CRAT: variants seen among roughly 807,000 people sequenced by gnomAD.
CRAT encodes the protein carnitine O-acetyltransferase.
In CRAT, 66 loss-of-function variants were observed where a neutral mutation model predicts 73.7. The observed-to-expected ratio is 0.90, with a 90% CI of 0.73 to 1.10. The LOEUF is 1.10. Among genes scored for constraint, CRAT ranks in the 50% least tolerant of loss-of-function variants. The probability of loss-of-function intolerance (pLI) is 0.00; values close to 1 mark genes in which losing one functional copy is unlikely to be tolerated. For synonymous variants in CRAT, 321 were observed against 343.2 expected (o/e 0.94, Z 0.71); for missense variants, 745 against 846.9 (o/e 0.88, Z 1.49).
chr9:129,102,336 C>A (rs549265893), intron 5 of CRAT, 64 bp downstream of exon 5: 2 of 1,595,308 alleles, frequency 1.3e-6, no homozygotes, highest in Admixed American at 1.7e-5. Context: ...AAGCCGACTG[C>A]GGCCGTCCGG....
rs766449218 is a variant in CRAT at position 129,098,140 on chromosome 9, C to T, written c.1337G>A (p.Gly446Glu). ...ACTTTCATAGGTGGCACATGCCTGT[C>T]CGTAGATCCTGGTGGGAAATGGGGC... ...ALQLAYYRIY[G>E]QACATYESAS... is the part of the protein sequence containing the mutation. Residue 446 changes from glycine to glutamate, a missense_variant, in exon 11 of 14, where the codon GGA (glycine) becomes GAA (glutamate). Transcript: ENST00000318080. The T allele has an allele frequency of 1.2e-6, 2 of 1,613,832 alleles. No homozygotes were observed. Among genetic ancestry groups the T allele is most frequent in the South Asian group, 1.1e-5 (1 of 91,088 alleles).
chr9:129,108,333 G>T, intron 1 of CRAT: 1 of 1,216,682 alleles, frequency 8.2e-7, no homozygotes, highest in Non-Finnish European at 1.1e-6. Flanking sequence ...AAGTCAGGAT[G>T]AACGGCACCT....
At position 129,095,123 on chromosome 9, in the gene CRAT, C is replaced by T. The variant is rs535290438; in HGVS notation, c.*274G>A. 7.8e-5 allele frequency: 40 copies of T among 510,442 alleles called. No individual in the cohort carries two copies. The highest frequency in any genetic ancestry group is 2.1e-4 in the African/African-American group (11 of 52,200). 31.6% of individuals were successfully genotyped at this position (510,442 alleles called of 1,614,324 possible). ...TGGTTCCCTTCCCCAGAGGAGGCAC[C>T]GGTGGAGGACGTGCCAGGGGCCCGG... On this transcript the variant is annotated 3_prime_UTR_variant, in exon 14 of 14. Coordinates refer to ENST00000318080, the MANE Select transcript of CRAT (RefSeq NM_000755.5).
rs770297679 is a variant in CRAT at position 129,107,706 on chromosome 9, C to A, written c.291+108G>T. On this transcript the variant is annotated intron_variant, in intron 2 of 13. Transcript: ENST00000318080. This position sits in a 1 kb window ranked among gnomAD's most constrained non-coding sequence, Gnocchi z 5.0. ...CCAAGTGCCAGACACAGAGTATGTGCTCACGAAACTCTGGGCAGCAAACGA... is the reference window on the plus strand; with the variant it reads ...CCAAGTGCCAGACACAGAGTATGTGATCACGAAACTCTGGGCAGCAAACGA... 24 of 1,504,406 alleles carry A rather than the reference C, an allele frequency of 1.6e-5. No homozygotes were observed. Among genetic ancestry groups the A allele is most frequent in the Non-Finnish European group, 2.2e-5 (24 of 1,091,700 alleles). The allele number at this position is 1,504,406 out of a possible 1,614,324, so 93.2% of individuals were successfully genotyped here.
intron 13 of CRAT, 145 bp downstream of exon 13, chr9:129,095,853 G>T: frequency 8.3e-7 from 1 of 1,205,796 alleles, no homozygotes; most frequent in Non-Finnish European, 1.2e-6. Flanking sequence ...CAGCCTGCCT[G>T]GGCTGCAGAG....
chr9:129,095,367 G>C lies in CRAT; in HGVS notation c.*30C>G. 1 of 1,602,946 alleles carries C rather than the reference G, an allele frequency of 6.2e-7. No homozygotes were observed. The stretch of plus-strand genomic sequence containing the variant: ...GGCCCATCCCAGGGTGGGCTTGGCT[G>C]TGGCATTGGCAGGCCTGAGTCCTAG... On this transcript the variant is annotated 3_prime_UTR_variant, in exon 14 of 14. Transcript: ENST00000318080.
Position 129,103,124 on chromosome 9 carries a change from C to T in CRAT, c.411-58G>A. 1.4e-6 allele frequency: 2 copies of T among 1,429,206 alleles called. No homozygotes were observed. Among genetic ancestry groups the T allele is most frequent in the Non-Finnish European group, 2.0e-6 (2 of 1,011,914 alleles). The allele number at this position is 1,429,206 out of a possible 1,614,324, so 88.5% of individuals were successfully genotyped here. On this transcript the variant is annotated intron_variant, in intron 3 of 13. Transcript: ENST00000318080. This position sits in a 1 kb window ranked among gnomAD's most constrained non-coding sequence, Gnocchi z 4.6. ...TGGACACCCTGAGGGAGGCCCCGGG[C>T]TAGGGACACCTGCTTGGGGAGCGGG...
At position 129,106,195 on chromosome 9, in the gene CRAT, T is replaced by C. The variant is rs575405690; in HGVS notation, c.291+1619A>G. Among the ~76,000 whole-genome samples, 4 of 152,222 alleles carry C rather than the reference T, an allele frequency of 2.6e-5. No homozygotes were observed. The South Asian group carries it at 8.3e-4, about 32-fold the overall frequency. ...ACTTGTCCCCAAGTTGTACAACAGG[T>C]GACTGGTAGCCCCTAAGAACTGGGT... On this transcript the variant is annotated intron_variant, in intron 2 of 13. Transcript: ENST00000318080. The surrounding 1 kb of genome is among the most constrained non-coding windows in gnomAD (Gnocchi z 4.0).
chr9:129,095,943 A>G, intron 13 of CRAT, 55 bp downstream of exon 13: 1 of 1,610,248 alleles, frequency 6.2e-7, no homozygotes, highest in Non-Finnish European at 8.5e-7. Flanking sequence ...GCCACATCAA[A>G]CTACCAGTGG....
intron 11 of CRAT, chr9:129,097,754 C>T: frequency 2.0e-6 from 1 of 503,842 alleles, no homozygotes; most frequent in Non-Finnish European, 3.5e-6. Flanking sequence ...ACTACCAACT[C>T]CTTGGTCCTC....
rs759235861 is a variant in CRAT at position 129,095,580 on chromosome 9, G to A, written c.1698C>T (p.Phe566=). The A allele has an allele frequency of 2.1e-5, 34 of 1,613,110 alleles. No homozygotes were observed. Among genetic ancestry groups the A allele is most frequent in the African/African-American group, 8.0e-5 (6 of 74,934 alleles). ...VPAKTDCVMF[F]GPVVPDGYGV... Reference sequence around the variant, plus strand: ...CGTAGCCGTCGGGGACCACGGGCCCGAAGAACATGACACAGTCTGTCTTGG... The same window carrying A: ...CGTAGCCGTCGGGGACCACGGGCCCAAAGAACATGACACAGTCTGTCTTGG... Residue 566 remains phenylalanine, a synonymous_variant, in exon 14 of 14, where the codon TTC becomes TTT. Coordinates refer to ENST00000318080, the MANE Select transcript of CRAT (RefSeq NM_000755.5).
rs751822013 is a variant in CRAT, at chr9:129,107,861, G to A, written c.244C>T (p.Arg82Cys). The A allele has an allele frequency of 8.7e-6, 14 of 1,612,310 alleles. No homozygotes were observed. Among genetic ancestry groups the A allele is most frequent in the Admixed American group, 5.0e-5 (3 of 59,996 alleles). Residue 82 changes from arginine to cysteine, a missense_variant, in exon 2 of 14, where the codon CGC (arginine) becomes TGC (cysteine). Arg to Cys is a radical substitution (Grantham distance 180). Transcript: ENST00000318080. The surrounding 1 kb of genome is among the most constrained non-coding windows in gnomAD (Gnocchi z 5.0). ...EFQASGGVGE[R>C]LQKGLERRAR... is the part of the protein sequence containing the mutation. ...CGACGCTCCAGCCCCTTCTGCAGGC[G>A]CTCCCCTACACCTCCTGAGGCCTGA...
rs1331586555 is a variant in CRAT at position 129,110,219 on chromosome 9, G to A, written c.27+264C>T. Among the ~76,000 whole-genome samples the A allele has an allele frequency of 1.3e-5, 2 of 152,182 alleles. No individual in the cohort carries two copies. The highest frequency in any genetic ancestry group is 1.3e-4 in the Admixed American group (2 of 15,282). ...CCGGCCTGTCTCTGGGTCTAAGGGT[G>A]GGGGTGCTAACTGAAGCCGGGGTCC... On this transcript the variant is annotated intron_variant, in intron 1 of 13. Transcript: ENST00000318080. The surrounding 1 kb of genome is among the most constrained non-coding windows in gnomAD (Gnocchi z 5.3).
At chr9:129,100,156 C>T (rs533222330) in intron 7 of CRAT, 190 bp from the exon 8 acceptor site, 80 of 587,658 alleles carry the variant, frequency 1.4e-4, no homozygotes, top group Non-Finnish European at 2.1e-4. Flanking sequence ...CCACGCTCAG[C>T]GTGCCTGACT....
chr9:129,095,326 C>T lies in CRAT; in HGVS notation c.*71G>A. ...AACCAAGGAAGAGGGAACCAAGGAG[C>T]TGAGCCCTGGTGGGTGGCCCATCCC... is the stretch of plus-strand genomic sequence containing the variant. On this transcript the variant is annotated 3_prime_UTR_variant, in exon 14 of 14. Coordinates refer to ENST00000318080, the MANE Select transcript of CRAT (RefSeq NM_000755.5). 1 of 1,503,228 alleles carries T rather than the reference C, an allele frequency of 6.7e-7. No homozygotes were observed. The highest frequency in any genetic ancestry group is 9.1e-7 in the Non-Finnish European group (1 of 1,096,876). The allele number at this position is 1,503,228 out of a possible 1,614,324, so 93.1% of individuals were successfully genotyped here.
intron 10 of CRAT, 32 bp downstream of exon 10, chr9:129,098,217 C>T (rs1588443586): frequency 6.2e-7 from 1 of 1,613,150 alleles, no homozygotes; most frequent in Non-Finnish European, 8.5e-7. Flanking sequence ...CAGGTCTCCT[C>T]CCTCCTCCAT....
rs1397693543 is a variant in CRAT, at chr9:129,098,677, C to T, written c.1086-27G>A. 2.5e-6 allele frequency: 4 copies of T among 1,588,830 alleles called. 1 individual carries two copies. In the South Asian group the frequency reaches 4.6e-5, roughly 18 times the overall value. Reference sequence around the variant, plus strand: ...TGCACAGTAAACGGGGCCTCAGGCTCATGCTGGTGCCTCTAGAGCCTGGGT... The same window carrying T: ...TGCACAGTAAACGGGGCCTCAGGCTTATGCTGGTGCCTCTAGAGCCTGGGT... On this transcript the variant is annotated intron_variant, in intron 8 of 13. Transcript: ENST00000318080.
At chr9:129,101,354 C>T (rs1195836553) in intron 6 of CRAT, among the ~76,000 whole-genome samples, 1 of 152,174 alleles carries the variant, frequency 6.6e-6, no homozygotes, top group Non-Finnish European at 1.5e-5. Context: ...TGTGGAAAGC[C>T]AGAAGAGGCC....
In CRAT at chr9:129,095,426, G is replaced by A. The variant is rs1187567631; in HGVS notation, c.1852C>T (p.Leu618=). ...AGCTTGGCCCGGGGGTGGCTCTGCAGCAGGGCACGCATGTCCAGGAGCGCC... is the reference window on the plus strand; with the variant it reads ...AGCTTGGCCCGGGGGTGGCTCTGCAACAGGGCACGCATGTCCAGGAGCGCC... ...EKALLDMRAL[L]QSHPRAKL is the part of the protein sequence containing the mutation. Residue 618 remains leucine, a synonymous_variant, in exon 14 of 14, where the codon CTG becomes TTG. Transcript: ENST00000318080. 4 of 1,612,462 alleles carry A rather than the reference G, an allele frequency of 2.5e-6. No homozygotes were observed. The East Asian group carries it at 6.7e-5, about 27-fold the overall frequency.
Sources: gnomAD v4.1 joint callset for allele counts (sites outside exome capture counted in the v4.1 genomes callset) on GRCh38, gnomAD v4.1.1 for gene constraint, Gnocchi (gnomAD v3.1) non-coding constraint, MANE v1.5 for transcripts, NCBI Gene and HGNC (gene_info 2026-07-23, HGNC 2026-07-21) for gene names.